Variants in DLC1 observed in about 807,000 individuals in gnomAD.
DLC1 encodes the protein rho GTPase-activating protein 7.
In DLC1, 54 loss-of-function variants were observed where a neutral mutation model predicts 140.3. That is an observed-to-expected ratio of 0.38 (90% confidence interval 0.31 to 0.48). The LOEUF (loss-of-function observed/expected upper bound fraction) is 0.48. DLC1 is among the 20% of genes least tolerant of loss of function. DLC1 has a pLI of 0.96. For missense variants in DLC1, 2,536 were observed against 1,907.0 expected, an observed-to-expected ratio of 1.33 and a Z score of -6.14; for synonymous variants, 986 against 728.1, an observed-to-expected ratio of 1.35 and a Z score of -5.70.
intron 5 of DLC1, among the ~76,000 whole-genome samples, chr8:13,139,317 A>AG (rs1822803601): frequency 6.7e-6 from 1 of 148,440 alleles, no homozygotes; most frequent in East Asian, 2.0e-4. Flanking sequence ...AAAAAAAAAA[A>AG]AAGGAAAAGA....
chr8:13,453,416 A>ATATATATGTGTATATATATATG (rs1799179925), intron 2 of DLC1, among the ~76,000 whole-genome samples: 1 of 51,262 alleles, frequency 2.0e-5, no homozygotes, highest in Non-Finnish European at 3.1e-5. Context: ...ATATATATAT[A>ATATATATGTGTATATATATATG]TATATATGTG....
intron 1 of DLC1, among the ~76,000 whole-genome samples, chr8:13,513,154 G>C (rs1404268998): frequency 6.6e-6 from 1 of 151,942 alleles, no homozygotes; most frequent in Non-Finnish European, 1.5e-5. Flanking sequence ...TTAGCTAGAG[G>C]TGTGACCTTG....
At chr8:13,300,022 G>T (rs936607795) in intron 5 of DLC1, among the ~76,000 whole-genome samples, 3 of 152,082 alleles carry the variant, frequency 2.0e-5, no homozygotes, top group Admixed American at 6.6e-5. Context: ...GCAAAGACAT[G>T]GAATCAACCC....
intron 4 of DLC1, among the ~76,000 whole-genome samples, chr8:13,368,838 T>G (rs911004587): frequency 1.3e-5 from 2 of 152,162 alleles, no homozygotes; most frequent in Non-Finnish European, 2.9e-5. Flanking sequence ...TATTTATTTA[T>G]TTTAAGAGGG....
At chr8:13,197,679 G>T (rs1479787258) in intron 5 of DLC1, among the ~76,000 whole-genome samples, 3 of 151,624 alleles carry the variant, frequency 2.0e-5, no homozygotes, top group Non-Finnish European at 4.4e-5. Context: ...AAAAATTATT[G>T]CTTAACAAAT....
chr8:13,188,208 A>T (rs1357359137), intron 5 of DLC1, among the ~76,000 whole-genome samples: 1 of 150,586 alleles, frequency 6.6e-6, no homozygotes, highest in African/African-American at 2.4e-5. Context: ...CAGCCTCCAG[A>T]GTAGCTGGGG....
intron 1 of DLC1, among the ~76,000 whole-genome samples, chr8:13,582,287 T>A (rs959951145): frequency 3.9e-5 from 6 of 152,164 alleles, no homozygotes; most frequent in Non-Finnish European, 2.9e-5. Flanking sequence ...ACCAGTATAC[T>A]AATATGGTAT....
intron 1 of DLC1, among the ~76,000 whole-genome samples, chr8:13,514,293 A>G (rs1802506785): frequency 6.6e-6 from 1 of 152,200 alleles, no homozygotes; most frequent in African/African-American, 2.4e-5. Context: ...CGTTATGCCA[A>G]GAAATAGGAA....
At chr8:13,282,093 A>G (rs982578518) in intron 5 of DLC1, among the ~76,000 whole-genome samples, 2 of 152,222 alleles carry the variant, frequency 1.3e-5, no homozygotes, top group African/African-American at 4.8e-5. Context: ...GAGTGGACAG[A>G]AAAGTTTCAA....
At chr8:13,090,594 G>A (rs1205994912) in intron 14 of DLC1, 124 bp from the exon 15 acceptor site, 13 of 1,090,692 alleles carry the variant, frequency 1.2e-5, no homozygotes, top group South Asian at 3.2e-5. Flanking sequence ...GCATCTTCCC[G>A]CCGGAGGTGG....
chr8:13,417,231 T>C (rs1838108241), intron 2 of DLC1, among the ~76,000 whole-genome samples: 1 of 152,092 alleles, frequency 6.6e-6, no homozygotes, highest in Admixed American at 6.6e-5. Context: ...TATTATACTT[T>C]AAGTTTTAGG....
intron 5 of DLC1, among the ~76,000 whole-genome samples, chr8:13,277,599 A>G (rs578050728): frequency 8.5e-5 from 13 of 152,336 alleles, no homozygotes; most frequent in African/African-American, 3.1e-4. Flanking sequence ...CTTTTACAAG[A>G]TATGCGCCTT....
chr8:13,439,461 C>G (rs1839262610), intron 2 of DLC1, among the ~76,000 whole-genome samples: 1 of 152,040 alleles, frequency 6.6e-6, no homozygotes, highest in African/African-American at 2.4e-5. Context: ...ATTCATACAA[C>G]TTTCTCTGTT....
intron 5 of DLC1, among the ~76,000 whole-genome samples, chr8:13,282,655 T>C (rs1239571284): frequency 6.6e-6 from 1 of 152,174 alleles, no homozygotes; most frequent in Non-Finnish European, 1.5e-5. Context: ...CTTTTATCCT[T>C]TCATTTTTCA....
At chr8:13,200,588 G>T (rs1184480602) in intron 5 of DLC1, among the ~76,000 whole-genome samples, 6 of 151,802 alleles carry the variant, frequency 4.0e-5, no homozygotes, top group Non-Finnish European at 8.8e-5. Flanking sequence ...TACAATTTTT[G>T]TTGTTGTTGT....
intron 5 of DLC1, among the ~76,000 whole-genome samples, chr8:13,242,150 T>C (rs779975883): frequency 2.6e-5 from 4 of 152,166 alleles, no homozygotes; most frequent in Non-Finnish European, 5.9e-5. Flanking sequence ...TGTCCTCATA[T>C]AAACAGGTTG....
chr8:13,158,451 A>T (rs1824418400), intron 5 of DLC1, among the ~76,000 whole-genome samples: 1 of 152,192 alleles, frequency 6.6e-6, no homozygotes, highest in African/African-American at 2.4e-5. Flanking sequence ...TAACTTTGTG[A>T]CGCCTATGAA....
In DLC1 at chr8:13,450,452, C is replaced by CAAAAAA. The variant is rs759911909; in HGVS notation, c.1023+48591_1023+48596dup. Among the ~76,000 whole-genome samples the CAAAAAA allele has an allele frequency of 1.8e-3, 95 of 53,258 alleles. 2 individuals are homozygous for CAAAAAA. The highest frequency in any genetic ancestry group is 2.3e-3 in the Non-Finnish European group (70 of 30,076). The allele number at this position is 53,258 out of a possible 152,430, so 34.9% of individuals were successfully genotyped here. On this transcript the variant is annotated intron_variant, in intron 2 of 17. Coordinates refer to ENST00000276297, the MANE Select transcript of DLC1 (RefSeq NM_182643.3). ...CCTGGGCAACAGAGTGAGACTGTCTCAAAAAAAAAAAAAAAAAAAAAAAGG... is the reference window on the plus strand; with the variant it reads ...CCTGGGCAACAGAGTGAGACTGTCTCAAAAAAAAAAAAAAAAAAAAAAAAAAAAAGG...
At chr8:13,386,087 A>G (rs1836508914) in intron 4 of DLC1, among the ~76,000 whole-genome samples, 1 of 152,198 alleles carries the variant, frequency 6.6e-6, no homozygotes, top group Non-Finnish European at 1.5e-5. Flanking sequence ...CTCTTGGACG[A>G]AAATATGAGT....
Sources: allele counts gnomAD v4.1 joint callset (sites outside exome capture counted in the v4.1 genomes callset), GRCh38; gene constraint gnomAD v4.1.1; transcripts MANE v1.5; gene names NCBI Gene and HGNC (gene_info 2026-07-23, HGNC 2026-07-21).